The following C17orf114 variants were observed in gnomAD, a reference collection of about 807,000 sequenced individuals.
The protein encoded by C17orf114 is uncharacterized protein C17orf114.
At chr17:4,803,574 A>G (rs1326671318), upstream of C17orf114, among the ~76,000 whole-genome samples, 3 of 150,782 alleles carry the variant, frequency 2.0e-5, no homozygotes, top group East Asian at 2.0e-4. Flanking sequence ...ATAGGCGCCC[A>G]CCACCACACC....
upstream of C17orf114, among the ~76,000 whole-genome samples, chr17:4,803,976 C>A (rs1286220857): frequency 6.6e-6 from 1 of 152,118 alleles, no homozygotes; most frequent in Admixed American, 6.6e-5. Context: ...CCTGCCTCAG[C>A]CTCCCAAAGT....
chr17:4,801,167 T>G, exon 2 of C17orf114: 1 of 396,754 alleles, frequency 2.5e-6, no homozygotes, highest in Non-Finnish European at 4.4e-6. Flanking sequence ...ACTTAGCAAC[T>G]ATGAACACAT....
upstream of C17orf114, among the ~76,000 whole-genome samples, chr17:4,806,281 A>G (rs1399666164): frequency 6.6e-6 from 1 of 152,098 alleles, no homozygotes; most frequent in Non-Finnish European, 1.5e-5. Flanking sequence ...GCAGTTTCTT[A>G]TAAGTTAAAC....
chr17:4,801,556 G>T (rs951004892), intron 1 of C17orf114, 101 bp from the exon 2 acceptor site: 5 of 359,332 alleles, frequency 1.4e-5, no homozygotes, highest in Admixed American at 5.4e-5. Context: ...AAGACACCTG[G>T]GGCCTGGGGG....
upstream of C17orf114, among the ~76,000 whole-genome samples, chr17:4,803,072 ATGCC>A (rs1267327295): frequency 1.3e-5 from 2 of 152,038 alleles, no homozygotes; most frequent in Non-Finnish European, 2.9e-5. Context: ...GTACACCACC[ATGCC>A]CAGCTAATTT....
At chr17:4,804,576 G>A (rs975598143), upstream of C17orf114, among the ~76,000 whole-genome samples, 3 of 151,006 alleles carry the variant, frequency 2.0e-5, no homozygotes, top group African/African-American at 7.3e-5. Context: ...ACAGGGTACT[G>A]CCTGAGTTAC....
chr17:4,804,195 T>C (rs1597313157), upstream of C17orf114, among the ~76,000 whole-genome samples: 1 of 149,174 alleles, frequency 6.7e-6, no homozygotes, highest in East Asian at 2.2e-4. Flanking sequence ...GTGCTGTGTT[T>C]TTTTTCTTTT....
At position 4,801,969 on chromosome 17, in the gene C17orf114, T is replaced by G. The variant is rs531618839; in HGVS notation, c.73+278A>C. ...TGGTCTCCATCCCCTGACCTCGTGA[T>G]CTACCCACCTTGGCCTCCCAAAGTG... On this transcript the variant is annotated intron_variant, in intron 1 of 1. Transcript: ENST00000635921. Among the ~76,000 whole-genome samples, 236 of 152,226 alleles carry G rather than the reference T, an allele frequency of 1.6e-3. 2 individuals are homozygous for G. Among genetic ancestry groups the G allele is most frequent in the South Asian group, 9.5e-3 (46 of 4,826 alleles).
intron 1 of C17orf114, among the ~76,000 whole-genome samples, chr17:4,801,892 G>A (rs950810907): frequency 4.0e-5 from 6 of 151,798 alleles, no homozygotes; most frequent in African/African-American, 1.2e-4. Context: ...CACCACACCC[G>A]GCTAATTTTT....
At chr17:4,806,263 A>G (rs771122692), upstream of C17orf114, among the ~76,000 whole-genome samples, 16 of 152,160 alleles carry the variant, frequency 1.1e-4, no homozygotes, top group Non-Finnish European at 1.8e-4. Context: ...TTAGAAAAAA[A>G]TCGTTTGGCA....
upstream of C17orf114, among the ~76,000 whole-genome samples, chr17:4,802,649 ATG>A (rs1254422923): frequency 6.6e-6 from 1 of 152,328 alleles, no homozygotes; most frequent in African/African-American, 2.4e-5. Context: ...CACTATGGCA[ATG>A]CCCGACAACT....
intron 1 of C17orf114, 69 bp from the exon 2 acceptor site, chr17:4,801,524 T>C (rs529011028): frequency 5.8e-5 from 23 of 394,840 alleles, no homozygotes; most frequent in Admixed American, 3.6e-4. Flanking sequence ...CAACCCAGGG[T>C]TGAGGAGGGA....
chr17:4,804,631 ACT>A (rs1399434381), upstream of C17orf114, among the ~76,000 whole-genome samples: 2 of 137,368 alleles, frequency 1.5e-5, no homozygotes, highest in Non-Finnish European at 3.1e-5. Flanking sequence ...AGACAGTCTC[ACT>A]CTGTCACCAG....
At chr17:4,804,401 TC>T (rs975525941), upstream of C17orf114, among the ~76,000 whole-genome samples, 61 of 151,768 alleles carry the variant, frequency 4.0e-4, no homozygotes, top group African/African-American at 1.5e-3. Flanking sequence ...AGACAGGGTT[TC>T]CCTGTGTTAG....
At chr17:4,801,373 A>C in exon 2 of C17orf114, 1 of 398,872 alleles carries the variant, frequency 2.5e-6, no homozygotes, top group East Asian at 3.6e-5. Context: ...AGTAGGCACC[A>C]GGCCCTGGCG....
chr17:4,803,147 G>A (rs1237520491), upstream of C17orf114, among the ~76,000 whole-genome samples: 1 of 151,920 alleles, frequency 6.6e-6, no homozygotes, highest in Non-Finnish European at 1.5e-5. Context: ...TCGAACTCCT[G>A]ACCTCAGGCA....
exon 2 of C17orf114, chr17:4,801,229 G>A: frequency 2.5e-6 from 1 of 398,630 alleles, no homozygotes; most frequent in East Asian, 3.6e-5. Flanking sequence ...GGATCGCTGA[G>A]AAATCTGGGG....
chr17:4,801,834 G>GCACC (rs1567518415), intron 1 of C17orf114, among the ~76,000 whole-genome samples: 1 of 151,752 alleles, frequency 6.6e-6, no homozygotes, highest in Non-Finnish European at 1.5e-5. Context: ...GGGTTCAAGT[G>GCACC]ATTCTCCTGC....
At chr17:4,803,455 C>G (rs867470708), upstream of C17orf114, among the ~76,000 whole-genome samples, 2 of 110,368 alleles carry the variant, frequency 1.8e-5, no homozygotes, top group Admixed American at 2.8e-4. Flanking sequence ...GACAGAGTCT[C>G]GCTCTGTCAC....
Sources: allele counts gnomAD v4.1 joint callset (sites outside exome capture counted in the v4.1 genomes callset), GRCh38; gene constraint gnomAD v4.1.1; transcripts MANE v1.5; gene names NCBI Gene and HGNC (gene_info 2026-07-23, HGNC 2026-07-21).